The following RYR2 variants were observed in gnomAD, a reference collection of about 807,000 sequenced individuals.
RYR2 encodes the protein ryanodine receptor 2.
RYR2 carries 227 observed loss-of-function variants against 601.1 expected under a neutral mutation model. That is an observed-to-expected ratio of 0.38 (90% CI 0.34 to 0.42). The LOEUF is 0.42. Among genes scored for constraint, RYR2 ranks in the 10% least tolerant of loss-of-function variants. The probability of loss-of-function intolerance (pLI) is 1.00; values close to 1 mark genes in which losing one functional copy is unlikely to be tolerated. For missense variants in RYR2, 4,646 were observed against 6,156.5 expected, an observed-to-expected ratio of 0.75 and a Z score of 8.21; for synonymous variants, 2,223 against 2,175.1, an observed-to-expected ratio of 1.02 and a Z score of -0.61.
chr1:237,538,988 C>T (rs1224440033), intron 25 of RYR2, among the ~76,000 whole-genome samples: 1 of 152,078 alleles, frequency 6.6e-6, no homozygotes, highest in African/African-American at 2.4e-5. Context: ...AAGACATAGG[C>T]ATAACCTAGC....
intron 63 of RYR2, among the ~76,000 whole-genome samples, chr1:237,687,997 C>G (rs1011270641): frequency 1.3e-5 from 2 of 152,192 alleles, no homozygotes; most frequent in African/African-American, 4.8e-5. Flanking sequence ...CGGAGCTTCA[C>G]TTGGCAAGAG....
intron 4 of RYR2, among the ~76,000 whole-genome samples, chr1:237,360,739 G>A (rs2149711416): frequency 1.3e-5 from 2 of 152,284 alleles, no homozygotes; most frequent in African/African-American, 4.8e-5. Context: ...GTATTATTAT[G>A]TGTATAATTG....
At chr1:237,300,564 C>A (rs1009378521) in intron 2 of RYR2, among the ~76,000 whole-genome samples, 5 of 152,280 alleles carry the variant, frequency 3.3e-5, no homozygotes, top group Middle Eastern at 6.8e-3. Context: ...CAGTGATAAA[C>A]TTTTCAGTGA....
chr1:237,736,535 T>C (rs1028556084), intron 79 of RYR2, among the ~76,000 whole-genome samples: 8 of 150,792 alleles, frequency 5.3e-5, no homozygotes, highest in African/African-American at 2.0e-4. Flanking sequence ...TAATGGGAGG[T>C]TGGAAATGTT....
Position 237,667,936 on chromosome 1 carries a change from G to C in RYR2, c.8568G>C (p.Lys2856Asn). ...ACCATAATATATGGGCAAAGAAAAA[G>C]AAAATGGAGTTGGAGTCCAAAGGTA... ...ENYHNIWAKK[K>N]KMELESKGGG... The change falls in exon 58 of 105, where the codon AAG becomes AAC. Residue 2856 changes from lysine (K) to asparagine (N), a missense_variant. Physicochemically the swap from Lys to Asn is moderately conservative, Grantham distance 94. Around this residue, in one of 17 missense-constraint regions of RYR2, gnomAD observed 1,497 missense variants for 1,842.6 expected, o/e 0.81. Transcript: ENST00000366574. 6.3e-7 allele frequency: 1 copy of C among 1,581,088 alleles called. No individual in the cohort carries two copies. Among genetic ancestry groups the C allele is most frequent in the Non-Finnish European group, 8.6e-7 (1 of 1,162,982 alleles).
chr1:237,725,887 A>T (rs1349440913), intron 74 of RYR2, among the ~76,000 whole-genome samples: 1 of 152,088 alleles, frequency 6.6e-6, no homozygotes, highest in Non-Finnish European at 1.5e-5. Flanking sequence ...TCCTGTAAAA[A>T]GCTATCATCT....
At chr1:237,294,107 G>A (rs185135580) in intron 2 of RYR2, among the ~76,000 whole-genome samples, 1 of 152,136 alleles carries the variant, frequency 6.6e-6, no homozygotes, top group Non-Finnish European at 1.5e-5. Context: ...TCTGTGTCAG[G>A]AACTAGGGTC....
intron 10 of RYR2, among the ~76,000 whole-genome samples, chr1:237,412,686 G>T (rs369099435): frequency 6.6e-6 from 1 of 152,006 alleles, no homozygotes; most frequent in South Asian, 2.1e-4. Context: ...TTTCATATCC[G>T]TCGACCTTCC....
At chr1:237,429,196 C>T (rs1706527865) in intron 12 of RYR2, among the ~76,000 whole-genome samples, 1 of 152,130 alleles carries the variant, frequency 6.6e-6, no homozygotes, top group Non-Finnish European at 1.5e-5. Context: ...CCTTGTAAGT[C>T]AGCCAACAGA....
At chr1:237,070,067 G>C (rs1220952434) in intron 1 of RYR2, among the ~76,000 whole-genome samples, 1 of 136,984 alleles carries the variant, frequency 7.3e-6, no homozygotes, top group African/African-American at 2.8e-5. Flanking sequence ...ATCTTACTGT[G>C]TTGCCCAGGT....
At chr1:237,403,001 A>C (rs987014980) in intron 10 of RYR2, among the ~76,000 whole-genome samples, 1 of 152,190 alleles carries the variant, frequency 6.6e-6, no homozygotes, top group Non-Finnish European at 1.5e-5. Context: ...TCCTACATGC[A>C]TGTAATTGGA....
At chr1:237,057,835 T>G (rs780058021) in intron 1 of RYR2, among the ~76,000 whole-genome samples, 3 of 152,216 alleles carry the variant, frequency 2.0e-5, no homozygotes, top group Non-Finnish European at 4.4e-5. Flanking sequence ...CCTAAGCTGA[T>G]GCATCGCCTC....
In RYR2 at chr1:237,090,513, T is replaced by A. The variant is rs184778206; in HGVS notation, c.48+47944T>A. On this transcript the variant is annotated intron_variant, in intron 1 of 104. Coordinates refer to ENST00000366574, the MANE Select transcript of RYR2 (RefSeq NM_001035.3). ...CCAACAGATTTTCCCCTAGAGTCAC[T>A]AGAAGGAGTGCAGCCCTGCAGAACC... Among the ~76,000 whole-genome samples the A allele has an allele frequency of 1.1e-3, 171 of 152,246 alleles. 8 individuals carry two copies. In the East Asian group the frequency reaches 0.026, roughly 23 times the overall value.
rs116309322 is a variant in RYR2, at chr1:237,165,905, A to C, written c.49-104592A>C. 8.5e-3 allele frequency among the ~76,000 whole-genome samples: 1,294 copies of C among 152,228 alleles called. 21 individuals carry two copies. The highest frequency in any genetic ancestry group is 0.029 in the African/African-American group (1,213 of 41,524). On this transcript the variant is annotated intron_variant, in intron 1 of 104. Transcript: ENST00000366574. ...TAGCCTGTTGTCAGGCAAGGGTGTGAGGACTGCTTGAGGCCAGGAGTTCAA... is the reference window on the plus strand; with the variant it reads ...TAGCCTGTTGTCAGGCAAGGGTGTGCGGACTGCTTGAGGCCAGGAGTTCAA...
intron 24 of RYR2, among the ~76,000 whole-genome samples, chr1:237,521,763 A>G (rs2805431): frequency 6.6e-6 from 1 of 151,526 alleles, no homozygotes; most frequent in Non-Finnish European, 1.5e-5. Context: ...AATAAAATCC[A>G]TTAATGGCTT....
intron 1 of RYR2, among the ~76,000 whole-genome samples, chr1:237,132,353 A>G (rs915793064): frequency 6.6e-6 from 1 of 152,190 alleles, no homozygotes; most frequent in African/African-American, 2.4e-5. Flanking sequence ...ATGACTCCAT[A>G]TTGGTAGTAA....
chr1:237,683,694 T>TG (rs1686097731), intron 62 of RYR2, among the ~76,000 whole-genome samples: 1 of 152,044 alleles, frequency 6.6e-6, no homozygotes, highest in South Asian at 2.1e-4. Context: ...ACAATTTTTT[T>TG]AACCTAATTC....
intron 80 of RYR2, among the ~76,000 whole-genome samples, chr1:237,754,482 T>C (rs949319044): frequency 3.9e-5 from 6 of 152,208 alleles, no homozygotes; most frequent in Admixed American, 3.3e-4. Context: ...TTCCATCTTC[T>C]GTGAGTTTCC....
At chr1:237,670,105 A>G (rs1412853803) in intron 58 of RYR2, among the ~76,000 whole-genome samples, 4 of 152,038 alleles carry the variant, frequency 2.6e-5, no homozygotes. Context: ...TGGCCAACAC[A>G]GCGAAACCCC....
Sources: gnomAD v4.1 joint callset for allele counts (sites outside exome capture counted in the v4.1 genomes callset) on GRCh38, gnomAD v4.1.1 for gene constraint, gnomAD v4.1.1 regional missense constraint, MANE v1.5 for transcripts, NCBI Gene and HGNC (gene_info 2026-07-23, HGNC 2026-07-21) for gene names.